The following ABCC8 variants were observed in gnomAD, a reference collection of about 807,000 sequenced individuals.
ABCC8 encodes ATP binding cassette subfamily C member 8.
ABCC8 carries 137 observed loss-of-function variants against 188.0 expected under a neutral mutation model. The ratio of observed to expected loss-of-function variants is 0.73; its 90% CI spans 0.63 to 0.84. The LOEUF (loss-of-function observed/expected upper bound fraction) is 0.84. ABCC8 is among the 40% of genes least tolerant of loss of function. The pLI, the probability that ABCC8 is intolerant of heterozygous loss-of-function variation, is 0.00. For missense variants in ABCC8, 1,750 were observed against 2,072.7 expected, an observed-to-expected ratio of 0.84 and a Z score of 3.02; for synonymous variants, 797 against 846.5, an observed-to-expected ratio of 0.94 and a Z score of 1.01.
intron 10 of ABCC8, among the ~76,000 whole-genome samples, chr11:17,436,687 C>T (rs1294014297): frequency 1.3e-5 from 2 of 152,222 alleles, no homozygotes; most frequent in Admixed American, 6.5e-5. Context: ...AGTTTAGTTG[C>T]GTGTAGGCTG....
chr11:17,447,224 C>T (rs1023976317), intron 8 of ABCC8, among the ~76,000 whole-genome samples: 6 of 152,152 alleles, frequency 3.9e-5, no homozygotes, highest in African/African-American at 1.2e-4. Flanking sequence ...GGCCTGAACA[C>T]CAGGGTGAAG....
intron 37 of ABCC8, 109 bp from the exon 38 acceptor site, chr11:17,393,868 G>C: frequency 6.2e-7 from 1 of 1,605,746 alleles, no homozygotes. Flanking sequence ...ATCTGACCCC[G>C]ATCCTAGTCC....
At chr11:17,444,431 C>T (rs1371147930) in intron 8 of ABCC8, 1 of 152,204 alleles carries the variant, frequency 6.6e-6, no homozygotes, top group African/African-American at 2.4e-5. Context: ...CATGGCACCC[C>T]AAGCTCACTA....
intron 11 of ABCC8, among the ~76,000 whole-genome samples, chr11:17,431,339 C>G (rs1955839683): frequency 6.6e-6 from 1 of 152,242 alleles, no homozygotes; most frequent in Non-Finnish European, 1.5e-5. Context: ...GATTACGAAA[C>G]TGCACAGTGC....
chr11:17,445,008 A>G, intron 8 of ABCC8, among the ~76,000 whole-genome samples: 1 of 152,202 alleles, frequency 6.6e-6, no homozygotes, highest in Admixed American at 6.5e-5. Flanking sequence ...AATAAATGAA[A>G]AAGCTTCCTG....
At position 17,404,806 on chromosome 11, in the gene ABCC8, G is replaced by A; in HGVS notation, c.3400-137C>T. The stretch of plus-strand genomic sequence containing the variant: ...TGAGACTGAGTCTCACTGTTGCCCA[G>A]ACTTGAGTGCAGCAGCGTAATCTCG... On this transcript the variant is annotated intron_variant, in intron 27 of 38. Transcript: ENST00000389817. This position sits in a 1 kb window ranked among gnomAD's most constrained non-coding sequence, Gnocchi z 4.7. 7.4e-7 allele frequency: 1 copy of A among 1,356,684 alleles called. No homozygotes were observed. Among genetic ancestry groups the A allele is most frequent in the Non-Finnish European group, 1.0e-6 (1 of 989,872 alleles). 84.0% of individuals were successfully genotyped at this position (1,356,684 alleles called of 1,614,324 possible).
At chr11:17,408,183 A>G in intron 23 of ABCC8, 1 of 528,760 alleles carries the variant, frequency 1.9e-6, no homozygotes, top group South Asian at 2.7e-5. Flanking sequence ...ACCTCAGGAT[A>G]AGGCGAAGGT....
chr11:17,411,170 G>A (rs770691973), intron 21 of ABCC8, among the ~76,000 whole-genome samples: 6 of 152,090 alleles, frequency 3.9e-5, no homozygotes, highest in Non-Finnish European at 8.8e-5. Context: ...TGACCCCCAC[G>A]CCTACCCTTC....
chr11:17,416,491 A>G (rs529558571), intron 17 of ABCC8, among the ~76,000 whole-genome samples: 2 of 152,264 alleles, frequency 1.3e-5, no homozygotes, highest in South Asian at 4.1e-4. Context: ...TCAGAGGTTT[A>G]GAAAACCTCT....
chr11:17,466,286 T>C (rs10766401), intron 3 of ABCC8, among the ~76,000 whole-genome samples: 67,389 of 151,282 alleles, frequency 0.45, 15,958 homozygotes, highest in African/African-American at 0.62. Context: ...ATAGTCCCAG[T>C]TACTCAGGAG....
rs750266577 is a variant in ABCC8 at position 17,395,295 on chromosome 11, C to T, written c.4308-20G>A. ...TTAAATCTGGAAGTGGCACAGAAAG[C>T]CCCAGTAGGGAGGGAGCAGGGTCCT... is the stretch of plus-strand genomic sequence containing the variant. On this transcript the variant is annotated intron_variant, in intron 35 of 38. Coordinates refer to ENST00000389817, the MANE Select transcript of ABCC8 (RefSeq NM_000352.6). 2 of 1,563,624 alleles carry T rather than the reference C, an allele frequency of 1.3e-6. No homozygotes were observed. The highest frequency in any genetic ancestry group is 2.3e-5 in the South Asian group (2 of 85,184).
intron 7 of ABCC8, among the ~76,000 whole-genome samples, chr11:17,450,319 T>TC (rs1491359866): frequency 3.7e-4 from 46 of 124,102 alleles, no homozygotes; most frequent in African/African-American, 1.5e-3. Flanking sequence ...TCTTTCTTTC[T>TC]TTCTTTCTCT....
chr11:17,452,409 C>T (rs1347724439), intron 7 of ABCC8, among the ~76,000 whole-genome samples: 1 of 152,198 alleles, frequency 6.6e-6, no homozygotes, highest in Non-Finnish European at 1.5e-5. Context: ...GACAATTTTT[C>T]CATGGACCTG....
intron 4 of ABCC8, among the ~76,000 whole-genome samples, chr11:17,462,910 T>C (rs1194901094): frequency 1.3e-5 from 2 of 152,098 alleles, no homozygotes; most frequent in South Asian, 4.1e-4. Context: ...CAGACACATA[T>C]GGTATTATAC....
At chr11:17,474,436 G>A (rs984480436) in intron 2 of ABCC8, among the ~76,000 whole-genome samples, 8 of 152,162 alleles carry the variant, frequency 5.3e-5, no homozygotes, top group Non-Finnish European at 1.2e-4. Flanking sequence ...GAGATAGGTG[G>A]GGCTGACTGT....
intron 22 of ABCC8, 167 bp downstream of exon 22, chr11:17,410,349 A>G (rs1954749660): frequency 2.6e-6 from 2 of 762,066 alleles, no homozygotes; most frequent in African/African-American, 1.7e-5. Flanking sequence ...TGGCCTGTAC[A>G]GGGTCTCCCT....
intron 6 of ABCC8, among the ~76,000 whole-genome samples, chr11:17,460,202 C>A (rs529257326): frequency 6.6e-6 from 1 of 152,366 alleles, no homozygotes; most frequent in African/African-American, 2.4e-5. Flanking sequence ...ACTGGACAAA[C>A]AAAAGCACTT....
chr11:17,426,010 C>T (rs576532056), intron 16 of ABCC8, among the ~76,000 whole-genome samples: 120 of 152,260 alleles, frequency 7.9e-4, no homozygotes, highest in African/African-American at 2.6e-3. Flanking sequence ...GCAAAGGACA[C>T]GAACTCAACC....
At chr11:17,426,982 C>A in intron 16 of ABCC8, 67 bp downstream of exon 16, 1 of 1,575,844 alleles carries the variant, frequency 6.3e-7, no homozygotes, top group African/African-American at 1.3e-5. Context: ...GTGTGTGCAT[C>A]CTCAACTGAG....
Sources: allele counts gnomAD v4.1 joint callset (sites outside exome capture counted in the v4.1 genomes callset), GRCh38; gene constraint gnomAD v4.1.1; non-coding constraint Gnocchi (gnomAD v3.1); transcripts MANE v1.5; gene names NCBI Gene and HGNC (gene_info 2026-07-23, HGNC 2026-07-21).